SOCS2: variants seen among roughly 807,000 people sequenced by gnomAD.
SOCS2 encodes the protein CIS-2.
SOCS2 carries 10 observed loss-of-function variants against 18.6 expected under a neutral mutation model. The ratio of observed to expected loss-of-function variants is 0.54; its 90% CI spans 0.33 to 0.91. The LOEUF (loss-of-function observed/expected upper bound fraction) is 0.91, where lower values mean the gene tolerates loss of function less well. Among genes scored for constraint, SOCS2 ranks in the 40% least tolerant of loss-of-function variants. The probability of loss-of-function intolerance (pLI) is 0.02; values close to 1 mark genes in which losing one functional copy is unlikely to be tolerated. For synonymous variants in SOCS2, 104 were observed against 104.0 expected (o/e 1.00, Z 0.00); for missense variants, 231 against 247.2 (o/e 0.93, Z 0.44).
the SOCS2 span, among the ~76,000 whole-genome samples, chr12:93,613,870 TAG>T: frequency 6.6e-6 from 1 of 152,168 alleles, no homozygotes; most frequent in Non-Finnish European, 1.5e-5. Context: ...TATACTACTA[TAG>T]CGTGTCAATA....
chr12:93,573,761 A>C (rs951450818), intron 1 of SOCS2: 6 of 152,206 alleles, frequency 3.9e-5, no homozygotes, highest in Non-Finnish European at 7.3e-5. Context: ...AGGGAGAGGG[A>C]AAAGTTCTCT....
downstream of SOCS2, among the ~76,000 whole-genome samples, chr12:93,584,110 T>A (rs898809630): frequency 6.6e-6 from 1 of 152,198 alleles, no homozygotes; most frequent in Non-Finnish European, 1.5e-5. Flanking sequence ...GATTGGTCCT[T>A]TCAAAGTTAA....
chr12:93,574,614 T>C (rs1340156650), intron 1 of SOCS2, 108 bp from the exon 2 acceptor site: 1 of 698,942 alleles, frequency 1.4e-6, no homozygotes, highest in South Asian at 3.2e-5. Context: ...TTTTTTTTTT[T>C]CTTTTTTAGA....
the SOCS2 span, among the ~76,000 whole-genome samples, chr12:93,607,526 T>C: frequency 6.6e-6 from 1 of 152,126 alleles, no homozygotes; most frequent in East Asian, 1.9e-4. Flanking sequence ...CCCTCTGCCT[T>C]TGGAAACGTT....
At chr12:93,620,756 G>T in the SOCS2 span, among the ~76,000 whole-genome samples, 1 of 152,142 alleles carries the variant, frequency 6.6e-6, no homozygotes, top group Non-Finnish European at 1.5e-5. Context: ...CCTTCACTAA[G>T]CTCTTTTTTA....
chr12:93,604,835 C>T, the SOCS2 span, among the ~76,000 whole-genome samples: 1 of 151,464 alleles, frequency 6.6e-6, no homozygotes, highest in Non-Finnish European at 1.5e-5. Context: ...ATATTTTTTT[C>T]TTTTTTGTAG....
chr12:93,571,925 G>A (rs546703510), upstream of SOCS2: 3 of 409,892 alleles, frequency 7.3e-6, no homozygotes, highest in East Asian at 2.3e-4. Flanking sequence ...GTAAGAGCGC[G>A]GCGTTGGTGG....
the SOCS2 span, among the ~76,000 whole-genome samples, chr12:93,592,365 A>G: frequency 6.6e-6 from 1 of 152,304 alleles, no homozygotes; most frequent in African/African-American, 2.4e-5. Context: ...TGAATGTACC[A>G]TTACTGATTG....
the SOCS2 span, among the ~76,000 whole-genome samples, chr12:93,621,532 A>G: frequency 9.8e-5 from 15 of 152,336 alleles, no homozygotes; most frequent in Middle Eastern, 3.4e-3. Flanking sequence ...ACCCAGGCAC[A>G]GTGGAACAAT....
the SOCS2 span, among the ~76,000 whole-genome samples, chr12:93,617,609 T>C: frequency 2.6e-4 from 40 of 152,300 alleles, no homozygotes; most frequent in Middle Eastern, 3.4e-3. Flanking sequence ...GATAATACTC[T>C]TCCACTCTAA....
At chr12:93,600,859 G>T in the SOCS2 span, among the ~76,000 whole-genome samples, 1 of 151,338 alleles carries the variant, frequency 6.6e-6, no homozygotes, top group East Asian at 1.9e-4. Flanking sequence ...CGTGATCATG[G>T]CTCACTGACG....
the SOCS2 span, among the ~76,000 whole-genome samples, chr12:93,614,480 T>TTTCTTTCTTTCTTTCC: frequency 3.8e-5 from 1 of 26,134 alleles, no homozygotes; most frequent in East Asian, 1.5e-3. Flanking sequence ...CCTTCCTTCC[T>TTTCTTTCTTTCTTTCC]TTCCTTCCTT....
the SOCS2 span, among the ~76,000 whole-genome samples, chr12:93,591,275 AAAC>A: frequency 6.6e-6 from 1 of 151,986 alleles, no homozygotes; most frequent in Admixed American, 6.6e-5. Context: ...AAAAAAAAAA[AAAC>A]AAGGCTCAGC....
chr12:93,570,171 A>T (rs1417030035), upstream of SOCS2: 1 of 152,308 alleles, frequency 6.6e-6, no homozygotes, highest in Non-Finnish European at 1.5e-5. Context: ...AACCGAGGCC[A>T]GTCACCAAGC....
At chr12:93,586,678 G>GT (rs377465310), downstream of SOCS2, among the ~76,000 whole-genome samples, 10 of 151,860 alleles carry the variant, frequency 6.6e-5, no homozygotes, top group Admixed American at 1.3e-4. Context: ...CCTTCGTTCA[G>GT]TTTTTTTTCA....
At chr12:93,603,146 C>T in the SOCS2 span, among the ~76,000 whole-genome samples, 2 of 152,184 alleles carry the variant, frequency 1.3e-5, no homozygotes, top group Middle Eastern at 6.8e-3. Flanking sequence ...TAATTGCTTG[C>T]AAAAAATAGC....
At chr12:93,585,005 C>T (rs1224626642), downstream of SOCS2, among the ~76,000 whole-genome samples, 3 of 152,146 alleles carry the variant, frequency 2.0e-5, no homozygotes, top group African/African-American at 4.8e-5. Context: ...TCAGGTGATT[C>T]ACCTGTCTCG....
chr12:93,604,939 GGT>G, the SOCS2 span, among the ~76,000 whole-genome samples: 3 of 151,668 alleles, frequency 2.0e-5, no homozygotes, highest in African/African-American at 7.3e-5. Context: ...TAGGATTACA[GGT>G]GTCAGCCACT....
chr12:93,605,454 C>A, the SOCS2 span, among the ~76,000 whole-genome samples: 3 of 152,146 alleles, frequency 2.0e-5, no homozygotes, highest in South Asian at 4.2e-4. Flanking sequence ...ACCTGTGAAG[C>A]CTTATTTTTA....
Sources: allele counts gnomAD v4.1 joint callset (sites outside exome capture counted in the v4.1 genomes callset), GRCh38; gene constraint gnomAD v4.1.1; transcripts MANE v1.5; gene names NCBI Gene and HGNC (gene_info 2026-07-23, HGNC 2026-07-21).